ENOX1: variants seen among roughly 807,000 people sequenced by gnomAD.
The protein encoded by ENOX1 is ecto-NOX disulfide-thiol exchanger 1.
ENOX1 carries 42 observed loss-of-function variants against 82.5 expected under a neutral mutation model. The observed-to-expected ratio is 0.51, with a 90% CI of 0.40 to 0.66. The LOEUF (loss-of-function observed/expected upper bound fraction) is 0.66. Among genes scored for constraint, ENOX1 ranks in the 30% least tolerant of loss-of-function variants. The pLI is 0.00. For synonymous variants in ENOX1, 271 were observed against 282.2 expected (o/e 0.96, Z 0.40); for missense variants, 608 against 811.6 (o/e 0.75, Z 3.05).
intron 2 of ENOX1, among the ~76,000 whole-genome samples, chr13:43,615,667 C>T (rs368567966): frequency 5.3e-5 from 8 of 152,040 alleles, no homozygotes; most frequent in African/African-American, 1.2e-4. Flanking sequence ...TAGGTATACA[C>T]GTGCTATGGT....
intron 1 of ENOX1, among the ~76,000 whole-genome samples, chr13:43,688,830 T>C (rs1430855492): frequency 1.3e-5 from 2 of 152,134 alleles, no homozygotes; most frequent in African/African-American, 4.8e-5. Flanking sequence ...ACCTGAAATA[T>C]ATCACCCAAG....
At chr13:43,585,369 T>A (rs1203776916) in intron 2 of ENOX1, among the ~76,000 whole-genome samples, 1 of 152,218 alleles carries the variant, frequency 6.6e-6, no homozygotes, top group African/African-American at 2.4e-5. Flanking sequence ...TCCAGAATTG[T>A]AAGATAACAT....
At chr13:43,579,218 G>A (rs2080589297) in intron 2 of ENOX1, among the ~76,000 whole-genome samples, 1 of 152,136 alleles carries the variant, frequency 6.6e-6, no homozygotes, top group East Asian at 1.9e-4. Flanking sequence ...AGGAAGAATG[G>A]TGGCTTAACA....
chr13:43,782,127 CAAAA>C (rs941415377), intron 1 of ENOX1, among the ~76,000 whole-genome samples: 1 of 151,420 alleles, frequency 6.6e-6, no homozygotes, highest in African/African-American at 2.4e-5. Context: ...TGAAAAGTGA[CAAAA>C]AGAAAAAAAT....
At chr13:43,548,246 T>C (rs994768839) in intron 2 of ENOX1, among the ~76,000 whole-genome samples, 3 of 151,782 alleles carry the variant, frequency 2.0e-5, no homozygotes, top group African/African-American at 4.8e-5. Context: ...CAAAATTTCA[T>C]AAAAGCAAAA....
intron 5 of ENOX1, among the ~76,000 whole-genome samples, chr13:43,373,141 C>T (rs1182476233): frequency 6.6e-6 from 1 of 151,576 alleles, no homozygotes; most frequent in Non-Finnish European, 1.5e-5. Flanking sequence ...TGTACATGTG[C>T]TACAAGACTG....
chr13:43,453,871 T>C (rs972879085), intron 3 of ENOX1, among the ~76,000 whole-genome samples: 2 of 152,134 alleles, frequency 1.3e-5, no homozygotes, highest in African/African-American at 4.8e-5. Flanking sequence ...AAACATGAAG[T>C]AGCTCTGTTT....
chr13:43,234,879 G>A (rs1363213754), intron 15 of ENOX1, among the ~76,000 whole-genome samples: 2 of 152,142 alleles, frequency 1.3e-5, no homozygotes, highest in East Asian at 3.8e-4. Context: ...TAAATGAACT[G>A]TGTTCTCCAA....
intron 14 of ENOX1, among the ~76,000 whole-genome samples, chr13:43,241,029 ATTC>A (rs138731462): frequency 0.011 from 1,678 of 152,314 alleles, 23 homozygotes; most frequent in African/African-American, 0.036. Context: ...TGAAGCCAAA[ATTC>A]TTCTGGGAAC....
intron 3 of ENOX1, among the ~76,000 whole-genome samples, chr13:43,468,444 G>C (rs1194809155): frequency 1.3e-5 from 2 of 151,934 alleles, no homozygotes; most frequent in Non-Finnish European, 2.9e-5. Flanking sequence ...GCCTCCCAAA[G>C]TGCTGGGATT....
intron 8 of ENOX1, among the ~76,000 whole-genome samples, chr13:43,352,876 A>G (rs111228570): frequency 8.9e-4 from 136 of 152,268 alleles, no homozygotes; most frequent in African/African-American, 3.0e-3. Context: ...CTGTGACAGC[A>G]CTGTGCACTT....
intron 2 of ENOX1, among the ~76,000 whole-genome samples, chr13:43,486,419 A>T (rs1400153816): frequency 6.6e-6 from 1 of 152,106 alleles, no homozygotes; most frequent in African/African-American, 2.4e-5. Context: ...AAACAAAAAA[A>T]CCAACAACCA....
At chr13:43,559,119 CACA>C (rs1380172702) in intron 2 of ENOX1, among the ~76,000 whole-genome samples, 10 of 152,154 alleles carry the variant, frequency 6.6e-5, no homozygotes, top group Non-Finnish European at 1.5e-5. Context: ...CAAACTCATA[CACA>C]TCTGGCCTGC....
intron 2 of ENOX1, among the ~76,000 whole-genome samples, chr13:43,517,986 T>C (rs1295299646): frequency 2.0e-5 from 3 of 152,132 alleles, no homozygotes; most frequent in South Asian, 2.1e-4. Context: ...TATTTTGTTA[T>C]AGCAGCCTGA....
chr13:43,272,394 G>T lies in ENOX1; in HGVS notation c.1447-2817C>A, dbSNP rs377418106. On this transcript the variant is annotated intron_variant, in intron 12 of 16. Transcript: ENST00000690772. Reference sequence around the variant, plus strand: ...ACTCTTAGGTAAAAGAGTGAATTTGGCAAAGCTGCTCTCTGGGATGGTTAT... The same window carrying T: ...ACTCTTAGGTAAAAGAGTGAATTTGTCAAAGCTGCTCTCTGGGATGGTTAT... Among the ~76,000 whole-genome samples the T allele has an allele frequency of 1.5e-4, 23 of 152,166 alleles. 1 individual carries two copies. Among genetic ancestry groups the T allele is most frequent in the East Asian group, 9.6e-4 (5 of 5,198 alleles).
At chr13:43,407,456 C>T (rs1188530938) in intron 5 of ENOX1, among the ~76,000 whole-genome samples, 6 of 152,118 alleles carry the variant, frequency 3.9e-5, no homozygotes, top group Non-Finnish European at 1.5e-5. Context: ...ACTTTAAGTT[C>T]TGGGATACAG....
intron 1 of ENOX1, among the ~76,000 whole-genome samples, chr13:43,667,838 C>T (rs181347440): frequency 6.6e-6 from 1 of 152,280 alleles, no homozygotes; most frequent in African/African-American, 2.4e-5. Context: ...AAAGTAGCTA[C>T]ACTAAAGCCA....
At chr13:43,333,316 A>C (rs1197973033) in intron 9 of ENOX1, among the ~76,000 whole-genome samples, 1 of 152,224 alleles carries the variant, frequency 6.6e-6, no homozygotes, top group Non-Finnish European at 1.5e-5. Flanking sequence ...CCAACAGTGC[A>C]TAATCAAATT....
chr13:43,474,914 G>A (rs2058216406), intron 3 of ENOX1, among the ~76,000 whole-genome samples: 1 of 152,114 alleles, frequency 6.6e-6, no homozygotes, highest in African/African-American at 2.4e-5. Flanking sequence ...TGGTATTCCT[G>A]AGAGAATGGG....
Sources: gnomAD v4.1 joint callset for allele counts (sites outside exome capture counted in the v4.1 genomes callset) on GRCh38, gnomAD v4.1.1 for gene constraint, MANE v1.5 for transcripts, NCBI Gene and HGNC (gene_info 2026-07-23, HGNC 2026-07-21) for gene names.